PUDP: variants seen among roughly 807,000 people sequenced by gnomAD.
PUDP encodes the protein pseudouridine-5'-phosphatase.
In PUDP, 8 loss-of-function variants were observed where a neutral mutation model predicts 9.4. The ratio of observed to expected loss-of-function variants is 0.85; its 90% CI spans 0.50 to 1.53. The LOEUF is 1.53. Among genes scored for constraint, PUDP ranks in the 40% most tolerant of loss-of-function variants. PUDP has a pLI of 0.00. For missense variants in PUDP, 188 were observed against 189.7 expected, an observed-to-expected ratio of 0.99 and a Z score of 0.05; for synonymous variants, 99 against 80.7, an observed-to-expected ratio of 1.23 and a Z score of -1.22.
chrX:6,953,537 G>C (rs1218840917), intron 3 of PUDP, among the ~76,000 whole-genome samples: 1 of 110,050 alleles, frequency 9.1e-6, no homozygotes. Context: ...GGAAAGAGAG[G>C]AAGTCATAAA....
At chrX:6,993,409 A>AAAAGGG (rs1289737701) in intron 1 of PUDP, among the ~76,000 whole-genome samples, 1 of 112,056 alleles carries the variant, frequency 8.9e-6, no homozygotes, top group Non-Finnish European at 1.9e-5. Context: ...AATAGGAAGC[A>AAAAGGG]AATTATAACC....
At chrX:6,945,673 T>C (rs1394007902) in intron 3 of PUDP, among the ~76,000 whole-genome samples, 2 of 110,518 alleles carry the variant, frequency 1.8e-5, no homozygotes, top group African/African-American at 3.3e-5. Flanking sequence ...AGCACCAGTA[T>C]GGGGACTTCT....
At chrX:6,722,785 A>G (rs1462446329), upstream of PUDP, among the ~76,000 whole-genome samples, 1 of 112,179 alleles carries the variant, frequency 8.9e-6, no homozygotes, top group African/African-American at 3.2e-5. Flanking sequence ...AAGGTGATTC[A>G]GAGTAAAGGA....
intron 3 of PUDP, among the ~76,000 whole-genome samples, chrX:7,068,636 T>G (rs1930640665): frequency 8.9e-6 from 1 of 112,208 alleles, no homozygotes; most frequent in Non-Finnish European, 1.9e-5. Context: ...AGACGGCATG[T>G]GAGGAGAGAG....
intron 3 of PUDP, among the ~76,000 whole-genome samples, chrX:6,839,185 C>T (rs1305082841): frequency 8.9e-6 from 1 of 111,797 alleles, no homozygotes; most frequent in Admixed American, 9.5e-5. Flanking sequence ...TCATTGCCTT[C>T]TTTTGAGGCA....
chrX:6,825,037 CTGT>C (rs923656884), intron 3 of PUDP, among the ~76,000 whole-genome samples: 2 of 111,197 alleles, frequency 1.8e-5, no homozygotes, highest in African/African-American at 3.3e-5. Context: ...CTATGGGATT[CTGT>C]TGTTGTTGTT....
At position 7,136,696 on chromosome X, in the gene PUDP, A is replaced by ACC. The variant is rs60135390; in HGVS notation, c.61+11355_61+11356dup. Among the ~76,000 whole-genome samples the ACC allele has an allele frequency of 1.1e-3, 80 of 72,171 alleles. 2 individuals are homozygous for ACC. Among genetic ancestry groups the ACC allele is most frequent in the African/African-American group, 3.1e-3 (57 of 18,264 alleles). 62.7% of individuals were successfully genotyped at this position (72,171 alleles called of 115,157 possible). On this transcript the variant is annotated intron_variant, in intron 1 of 3. Transcript: ENST00000381077. ...AAATGGTTCATATTGTGCCAGTGGGACCCCCCCCCCCAACCCCGCCCACTG... is the reference window on the plus strand; with the variant it reads ...AAATGGTTCATATTGTGCCAGTGGGACCCCCCCCCCCCCAACCCCGCCCACTG...
chrX:6,796,710 AAGAG>A (rs1001195511), intron 3 of PUDP, among the ~76,000 whole-genome samples: 2 of 112,327 alleles, frequency 1.8e-5, no homozygotes, highest in South Asian at 3.7e-4. Flanking sequence ...AAGAGAAAGA[AAGAG>A]AAAGAGTGAG....
intron 3 of PUDP, among the ~76,000 whole-genome samples, chrX:6,864,454 TCC>T (rs1408000163): frequency 8.9e-6 from 1 of 112,068 alleles, no homozygotes; most frequent in Non-Finnish European, 1.9e-5. Context: ...CCAAGGAATG[TCC>T]CTATTTCCCA....
chrX:6,943,881 G>A (rs1182749450), intron 3 of PUDP, among the ~76,000 whole-genome samples: 1 of 111,324 alleles, frequency 9.0e-6, no homozygotes, highest in Non-Finnish European at 1.9e-5. Context: ...ATTCTCTGCC[G>A]TTCAAGGATT....
At chrX:6,740,460 T>C (rs958256056) in intron 3 of PUDP, among the ~76,000 whole-genome samples, 1 of 111,767 alleles carries the variant, frequency 8.9e-6, no homozygotes, top group African/African-American at 3.3e-5. Context: ...TTCCAGATTT[T>C]TCACTTCAAT....
At chrX:6,758,303 A>C (rs754393278) in intron 3 of PUDP, among the ~76,000 whole-genome samples, 1 of 109,934 alleles carries the variant, frequency 9.1e-6, no homozygotes, top group Non-Finnish European at 1.9e-5. Context: ...CTCTACAAAA[A>C]TTTTTTTTAA....
At chrX:7,077,512 A>G (rs759197178) in intron 2 of PUDP, 63 bp from the exon 3 acceptor site, 2 of 863,277 alleles carry the variant, frequency 2.3e-6, no homozygotes, top group Admixed American at 5.0e-5. Flanking sequence ...ACCTTCTTGC[A>G]GGGACAGTCC....
intron 3 of PUDP, among the ~76,000 whole-genome samples, chrX:6,752,077 G>A (rs766305598): frequency 1.1e-4 from 12 of 110,814 alleles, no homozygotes; most frequent in African/African-American, 3.6e-4. Flanking sequence ...TTCCCCAAGG[G>A]ACCTCCCACC....
In PUDP at chrX:7,050,113, G is replaced by A. The variant is rs1038990604; in HGVS notation, c.*183C>T. The A allele has an allele frequency of 1.4e-5, 6 of 420,131 alleles. No homozygotes were observed. Among genetic ancestry groups the A allele is most frequent in the Non-Finnish European group, 2.4e-5 (6 of 248,426 alleles). The allele number at this position is 420,131 out of a possible 1,213,427, so 34.6% of individuals were successfully genotyped here. On this transcript the variant is annotated 3_prime_UTR_variant, in exon 4 of 4. Transcript: ENST00000381077. The stretch of plus-strand genomic sequence containing the variant: ...CTCTACTGTATTTTTTGTCTCAACC[G>A]TCAAGTCACATTTTATCAACACGTT...
chrX:6,756,976 T>C (rs1461547775), intron 3 of PUDP, among the ~76,000 whole-genome samples: 1 of 112,042 alleles, frequency 8.9e-6, no homozygotes, highest in East Asian at 2.8e-4. Flanking sequence ...GTATAGTGAG[T>C]TGCAAAACAC....
chrX:7,009,993 T>C (rs1929455031), intron 1 of PUDP, among the ~76,000 whole-genome samples: 1 of 111,841 alleles, frequency 8.9e-6, no homozygotes, highest in Admixed American at 9.5e-5. Context: ...AAAAGTCATA[T>C]TGAATTTTGT....
intron 3 of PUDP, among the ~76,000 whole-genome samples, chrX:6,805,686 AT>A (rs1337010633): frequency 2.2e-3 from 218 of 100,264 alleles, no homozygotes; most frequent in Middle Eastern, 0.01. Flanking sequence ...CACGGGGCTA[AT>A]TTTTTTTTTT....
At chrX:7,137,338 C>T (rs1206821763) in intron 1 of PUDP, among the ~76,000 whole-genome samples, 1 of 106,834 alleles carries the variant, frequency 9.4e-6, no homozygotes, top group East Asian at 3.0e-4. Context: ...GTCAGGAGAT[C>T]GAGACCATCC....
Sources: gnomAD v4.1 joint callset for allele counts (sites outside exome capture counted in the v4.1 genomes callset) on GRCh38, gnomAD v4.1.1 for gene constraint, MANE v1.5 for transcripts, NCBI Gene and HGNC (gene_info 2026-07-23, HGNC 2026-07-21) for gene names.